FAM177A1: variants seen among roughly 807,000 people sequenced by gnomAD.
FAM177A1 encodes the protein protein FAM177A1.
FAM177A1 carries 22 observed loss-of-function variants against 26.1 expected under a neutral mutation model. The ratio of observed to expected loss-of-function variants is 0.84; its 90% CI spans 0.60 to 1.20. The LOEUF is 1.20. Among genes scored for constraint, FAM177A1 ranks in the 50% most tolerant of loss-of-function variants. The pLI is 0.00. For synonymous variants in FAM177A1, 95 were observed against 99.3 expected, an observed-to-expected ratio of 0.96 and a Z score of 0.26; for missense variants, 296 against 291.1, an observed-to-expected ratio of 1.02 and a Z score of -0.12.
intron 2 of FAM177A1, among the ~76,000 whole-genome samples, chr14:35,064,685 C>T (rs1045380239): frequency 6.6e-6 from 1 of 151,868 alleles, no homozygotes; most frequent in African/African-American, 2.4e-5. Flanking sequence ...GAATCTTGCT[C>T]TGTTGTCCAG....
intron 3 of FAM177A1, 118 bp downstream of exon 3, chr14:35,077,334 C>T (rs2138570441): frequency 2.3e-6 from 2 of 872,582 alleles, no homozygotes; most frequent in Middle Eastern, 2.2e-4. Flanking sequence ...AATCACTGTC[C>T]TCAAGAGCTA....
chr14:35,059,540 T>C (rs969104253), intron 2 of FAM177A1, among the ~76,000 whole-genome samples: 1 of 147,856 alleles, frequency 6.8e-6, no homozygotes, highest in Non-Finnish European at 1.5e-5. Context: ...CATTTCTTTT[T>C]TTTTTTTTTT....
chr14:35,062,937 C>T (rs1169043222), intron 2 of FAM177A1, among the ~76,000 whole-genome samples: 2 of 144,088 alleles, frequency 1.4e-5, no homozygotes, highest in East Asian at 2.0e-4. Flanking sequence ...ATTGAAACCC[C>T]ATAACTTATT....
intron 1 of FAM177A1, chr14:35,050,904 C>G (rs1016892826): frequency 2.0e-5 from 3 of 152,010 alleles, no homozygotes; most frequent in African/African-American, 7.2e-5. Flanking sequence ...GCTGTCAGTG[C>G]CTGGGGATTG....
At chr14:35,066,778 T>G (rs547875969) in intron 2 of FAM177A1, among the ~76,000 whole-genome samples, 1 of 151,458 alleles carries the variant, frequency 6.6e-6, no homozygotes, top group Non-Finnish European at 1.5e-5. Flanking sequence ...AATGTATACA[T>G]AATAGAGGCT....
At chr14:35,057,714 T>C (rs1457290439) in intron 2 of FAM177A1, among the ~76,000 whole-genome samples, 1 of 152,128 alleles carries the variant, frequency 6.6e-6, no homozygotes, top group Non-Finnish European at 1.5e-5. Flanking sequence ...ATTTTCTTTT[T>C]TTTCCTTTTG....
chr14:35,063,832 G>T (rs577916317), intron 2 of FAM177A1, among the ~76,000 whole-genome samples: 3 of 151,430 alleles, frequency 2.0e-5, no homozygotes, highest in Admixed American at 6.6e-5. Flanking sequence ...TTGAGGCCAG[G>T]AGTTTGAGAC....
chr14:35,080,901 T>G, intron 4 of FAM177A1, 121 bp from the exon 5 acceptor site: 1 of 1,357,750 alleles, frequency 7.4e-7, no homozygotes, highest in Non-Finnish European at 9.6e-7. Context: ...CAAACTGATT[T>G]GAACATGACA....
intron 2 of FAM177A1, among the ~76,000 whole-genome samples, chr14:35,056,175 C>T (rs1221276615): frequency 6.6e-6 from 1 of 151,856 alleles, no homozygotes; most frequent in East Asian, 1.9e-4. Context: ...GCTGGGACTA[C>T]AGAAACGCAC....
intron 2 of FAM177A1, among the ~76,000 whole-genome samples, chr14:35,060,135 G>C (rs755430738): frequency 6.6e-6 from 1 of 151,538 alleles, no homozygotes; most frequent in African/African-American, 2.4e-5. Context: ...CACCATGCCC[G>C]GGCTAATTAC....
chr14:35,047,061 G>A lies in FAM177A1; in HGVS notation c.165+433G>A, dbSNP rs190793059. On this transcript the variant is annotated intron_variant, in intron 1 of 4. Transcript: ENST00000280987. ...AAACGTTTACCAGCTTTAATTCACT[G>A]GATCCTTACAGTAACCGCTCGAGGT... 640 of 982,002 alleles carry A rather than the reference G, an allele frequency of 6.5e-4. 3 individuals carry two copies. The African/African-American group carries it at 0.011, about 16-fold the overall frequency. The allele number at this position is 982,002 out of a possible 1,614,324, so 60.8% of individuals were successfully genotyped here.
intron 1 of FAM177A1, among the ~76,000 whole-genome samples, chr14:35,051,312 G>C (rs527300735): frequency 1.3e-5 from 2 of 152,096 alleles, no homozygotes; most frequent in East Asian, 3.9e-4. Context: ...TGGAGACAGG[G>C]TTTCACCATG....
rs140283348 is a variant in FAM177A1, at chr14:35,082,736, C to A, written c.*1508C>A. The A allele has an allele frequency of 5.3e-5, 8 of 152,186 alleles. No homozygotes were observed. The highest frequency in any genetic ancestry group is 1.9e-4 in the African/African-American group (8 of 41,528). 9.4% of individuals were successfully genotyped at this position (152,186 alleles called of 1,614,324 possible). ...GTTATATTAATAGCCTTCTAAACAG[C>A]ATTAAGTTTTCAATTTTAATATATC... On this transcript the variant is annotated 3_prime_UTR_variant, in exon 5 of 5. Transcript: ENST00000280987.
At chr14:35,065,425 G>A (rs11622727) in intron 2 of FAM177A1, among the ~76,000 whole-genome samples, 2 of 127,460 alleles carry the variant, frequency 1.6e-5, no homozygotes, top group Non-Finnish European at 3.2e-5. Flanking sequence ...TTAAAGCTTA[G>A]AACTAACCAA....
In FAM177A1 at chr14:35,081,781, A is replaced by G. The variant is rs145922727; in HGVS notation, c.*553A>G. ...CTGTTTTATGTAAGAATCTGTATTTATAACACCAGATATTAAGATAGGCTT... is the reference window on the plus strand; with the variant it reads ...CTGTTTTATGTAAGAATCTGTATTTGTAACACCAGATATTAAGATAGGCTT... On this transcript the variant is annotated 3_prime_UTR_variant, in exon 5 of 5. Transcript: ENST00000280987. 6.6e-6 allele frequency: 1 copy of G among 152,380 alleles called. No homozygotes were observed. Among genetic ancestry groups the G allele is most frequent in the Non-Finnish European group, 1.5e-5 (1 of 68,056 alleles). 9.4% of individuals were successfully genotyped at this position (152,380 alleles called of 1,614,324 possible). A position where few individuals can be genotyped will look rare whatever the true frequency, so the allele number is the denominator to read the frequency against.
Position 35,081,464 on chromosome 14 carries a change from T to C in FAM177A1, c.*236T>C. 1 of 336,970 alleles carries C rather than the reference T, an allele frequency of 3.0e-6. No individual in the cohort carries two copies. The highest frequency in any genetic ancestry group is 5.2e-6 in the Non-Finnish European group (1 of 192,814). 20.9% of individuals were successfully genotyped at this position (336,970 alleles called of 1,614,324 possible). A position where few individuals can be genotyped will look rare whatever the true frequency, so the allele number is the denominator to read the frequency against. On this transcript the variant is annotated 3_prime_UTR_variant, in exon 5 of 5. Coordinates refer to ENST00000280987, the MANE Select transcript of FAM177A1 (RefSeq NM_173607.5). ...AGAAATTAGTGCTTTGGTTTTAAAA[T>C]GATCTTTTAAAAAAGTTAAGGACAT...
At position 35,083,344 on chromosome 14, in the gene FAM177A1, T is replaced by C. The variant is rs972488208; in HGVS notation, c.*2116T>C. 7 of 152,702 alleles carry C rather than the reference T, an allele frequency of 4.6e-5. No homozygotes were observed. Among genetic ancestry groups the C allele is most frequent in the Non-Finnish European group, 1.0e-4 (7 of 68,046 alleles). The allele number at this position is 152,702 out of a possible 1,614,324, so 9.5% of individuals were successfully genotyped here. A position where few individuals can be genotyped will look rare whatever the true frequency, so the allele number is the denominator to read the frequency against. ...TTCACTGTGCCTTAAGTTTATACTTTGTTTATGCAAACTATAAAATTTCCC... is the reference window on the plus strand; with the variant it reads ...TTCACTGTGCCTTAAGTTTATACTTCGTTTATGCAAACTATAAAATTTCCC... On this transcript the variant is annotated 3_prime_UTR_variant, in exon 5 of 5. Coordinates refer to ENST00000280987, the MANE Select transcript of FAM177A1 (RefSeq NM_173607.5).
intron 1 of FAM177A1, among the ~76,000 whole-genome samples, chr14:35,048,110 G>A (rs2044903298): frequency 1.3e-5 from 2 of 152,144 alleles, no homozygotes; most frequent in African/African-American, 4.8e-5. Flanking sequence ...GGGGATTCAG[G>A]GGACAACATG....
chr14:35,070,046 T>A (rs1595052394), intron 2 of FAM177A1, among the ~76,000 whole-genome samples: 1 of 127,222 alleles, frequency 7.9e-6, no homozygotes, highest in Non-Finnish European at 1.6e-5. Context: ...ACCTGGGAGG[T>A]GGAGGTTGCA....
Sources: gnomAD v4.1 joint callset for allele counts (sites outside exome capture counted in the v4.1 genomes callset) on GRCh38, gnomAD v4.1.1 for gene constraint, MANE v1.5 for transcripts, NCBI Gene and HGNC (gene_info 2026-07-23, HGNC 2026-07-21) for gene names.